Variants in SRRM4 observed in about 807,000 individuals in gnomAD.
SRRM4 encodes the protein serine/arginine repetitive matrix 4.
Under a neutral mutation model 68.9 loss-of-function variants are expected in SRRM4, and 33 were observed. The observed-to-expected ratio is 0.48, with a 90% CI of 0.36 to 0.64. SRRM4 has a LOEUF of 0.64. Ranked by LOEUF, SRRM4 falls within the 30% of genes least tolerant of loss-of-function variation. SRRM4 has a pLI of 0.00. For missense variants in SRRM4, 817 were observed against 827.1 expected, an observed-to-expected ratio of 0.99 and a Z score of 0.15; for synonymous variants, 318 against 318.8, an observed-to-expected ratio of 1.00 and a Z score of 0.03.
At chr12:119,104,669 C>A (rs1168470687) in intron 2 of SRRM4, among the ~76,000 whole-genome samples, 1 of 151,766 alleles carries the variant, frequency 6.6e-6, no homozygotes, top group African/African-American at 2.4e-5. Flanking sequence ...GTCTCTGAGC[C>A]CTGTTGGAAG....
At chr12:119,120,576 G>A (rs1234300942) in intron 5 of SRRM4, among the ~76,000 whole-genome samples, 2 of 152,140 alleles carry the variant, frequency 1.3e-5, no homozygotes, top group Non-Finnish European at 2.9e-5. Flanking sequence ...GGGCACATAG[G>A]GAAACAGTCC....
chr12:119,146,074 G>C (rs1287660469), intron 9 of SRRM4, among the ~76,000 whole-genome samples: 1 of 152,154 alleles, frequency 6.6e-6, no homozygotes, highest in Non-Finnish European at 1.5e-5. Flanking sequence ...CAAGGCAGGT[G>C]CTTATTGGTT....
chr12:118,991,459 T>C (rs549664030), intron 1 of SRRM4, among the ~76,000 whole-genome samples: 6 of 152,302 alleles, frequency 3.9e-5, no homozygotes, highest in African/African-American at 1.4e-4. Context: ...TTTCAACACA[T>C]TTGTAATTAT....
chr12:119,033,322 T>G (rs752076352), intron 1 of SRRM4, among the ~76,000 whole-genome samples: 2 of 152,206 alleles, frequency 1.3e-5, no homozygotes, highest in African/African-American at 4.8e-5. Context: ...AATAAAACCC[T>G]AGAGATTATG....
chr12:119,094,599 T>A (rs113879839), intron 1 of SRRM4, among the ~76,000 whole-genome samples: 25 of 152,350 alleles, frequency 1.6e-4, no homozygotes, highest in African/African-American at 5.0e-4. Context: ...GTGCTGGACC[T>A]TTGCACTTGC....
At chr12:119,094,941 T>A (rs1954034484) in intron 1 of SRRM4, among the ~76,000 whole-genome samples, 1 of 152,258 alleles carries the variant, frequency 6.6e-6, no homozygotes, top group African/African-American at 2.4e-5. Context: ...GACAGCCTCA[T>A]AAAACTTCCT....
chr12:119,085,811 T>C (rs1389970806), intron 1 of SRRM4, among the ~76,000 whole-genome samples: 1 of 151,958 alleles, frequency 6.6e-6, no homozygotes, highest in Non-Finnish European at 1.5e-5. Flanking sequence ...GCAATGGAGA[T>C]GGAGGCTGAG....
At chr12:119,079,376 A>T (rs1175755265) in intron 1 of SRRM4, among the ~76,000 whole-genome samples, 1 of 152,192 alleles carries the variant, frequency 6.6e-6, no homozygotes, top group Non-Finnish European at 1.5e-5. Flanking sequence ...GGTATGCTTT[A>T]TAAAGACGGT....
intron 1 of SRRM4, among the ~76,000 whole-genome samples, chr12:119,027,154 A>G (rs1953553867): frequency 6.6e-6 from 1 of 152,180 alleles, no homozygotes; most frequent in Non-Finnish European, 1.5e-5. Context: ...GAGAGAAAAA[A>G]AGATGGGCCC....
At chr12:119,017,449 G>T (rs979930197) in intron 1 of SRRM4, among the ~76,000 whole-genome samples, 4 of 152,226 alleles carry the variant, frequency 2.6e-5, no homozygotes, top group Non-Finnish European at 5.9e-5. Flanking sequence ...CTGTGGGCTT[G>T]TGTGTCTGGG....
At chr12:118,999,065 A>G (rs1434789484) in intron 1 of SRRM4, among the ~76,000 whole-genome samples, 1 of 152,226 alleles carries the variant, frequency 6.6e-6, no homozygotes, top group African/African-American at 2.4e-5. Flanking sequence ...GATCAGGAAG[A>G]CAAAATGAAG....
chr12:119,026,590 C>T (rs1324576376), intron 1 of SRRM4, among the ~76,000 whole-genome samples: 2 of 151,558 alleles, frequency 1.3e-5, no homozygotes, highest in Admixed American at 1.3e-4. Context: ...ACTCTGTTGC[C>T]CCAGCTAGAG....
intron 1 of SRRM4, among the ~76,000 whole-genome samples, chr12:119,101,290 G>C (rs1954076452): frequency 6.6e-6 from 1 of 152,162 alleles, no homozygotes; most frequent in Admixed American, 6.5e-5. Context: ...TTGGGTGACA[G>C]TCTCTTCAAA....
chr12:119,107,685 T>C (rs1954115762), intron 2 of SRRM4, among the ~76,000 whole-genome samples: 1 of 152,202 alleles, frequency 6.6e-6, no homozygotes, highest in African/African-American at 2.4e-5. Flanking sequence ...CATTTTTTAT[T>C]GTGTGTATTT....
At chr12:119,147,476 T>C (rs904357517) in intron 9 of SRRM4, among the ~76,000 whole-genome samples, 3 of 152,204 alleles carry the variant, frequency 2.0e-5, no homozygotes, top group African/African-American at 7.2e-5. Context: ...GTGATAATGA[T>C]GTGTCAATGG....
chr12:119,091,029 C>G lies in SRRM4; in HGVS notation c.132-11207C>G, dbSNP rs138193083. On this transcript the variant is annotated intron_variant, in intron 1 of 12. Coordinates refer to ENST00000267260, the MANE Select transcript of SRRM4 (RefSeq NM_194286.4). ...CACAGCCTGCCATGGAGATTTGTGG[C>G]TTGTCTGGTCTGTCCTCTCTGCAGA... Among the ~76,000 whole-genome samples the G allele has an allele frequency of 2.3e-3, 354 of 152,310 alleles. 2 individuals carry two copies. Among genetic ancestry groups the G allele is most frequent in the African/African-American group, 8.2e-3 (343 of 41,576 alleles).
chr12:119,077,255 G>A (rs954823744), intron 1 of SRRM4, among the ~76,000 whole-genome samples: 1 of 152,150 alleles, frequency 6.6e-6, no homozygotes, highest in East Asian at 1.9e-4. Flanking sequence ...AGATTCCTGT[G>A]CCTTGCCTTC....
intron 1 of SRRM4, among the ~76,000 whole-genome samples, chr12:118,984,542 A>T (rs1470959321): frequency 6.6e-6 from 1 of 152,194 alleles, no homozygotes; most frequent in East Asian, 1.9e-4. Flanking sequence ...ATTTGTTTAT[A>T]GATGAAGGCC....
chr12:119,022,864 G>T (rs1427306592), intron 1 of SRRM4, among the ~76,000 whole-genome samples: 2 of 152,176 alleles, frequency 1.3e-5, no homozygotes, highest in Non-Finnish European at 2.9e-5. Flanking sequence ...CTAGACTTCA[G>T]ATTTGGCTCT....
Sources: gnomAD v4.1 joint callset for allele counts (sites outside exome capture counted in the v4.1 genomes callset) on GRCh38, gnomAD v4.1.1 for gene constraint, MANE v1.5 for transcripts, NCBI Gene and HGNC (gene_info 2026-07-23, HGNC 2026-07-21) for gene names.